PREX2: variants seen among roughly 807,000 people sequenced by gnomAD.
PREX2 encodes phosphatidylinositol 3,4,5-trisphosphate-dependent Rac exchanger 2 protein.
In PREX2, 107 loss-of-function variants were observed where a neutral mutation model predicts 203.2. That is an observed-to-expected ratio of 0.53 (90% CI 0.45 to 0.62). The LOEUF is 0.62. PREX2 is among the 20% of genes least tolerant of loss of function. The probability of loss-of-function intolerance (pLI) is 0.00; values close to 1 mark genes in which losing one functional copy is unlikely to be tolerated. For synonymous variants in PREX2, 672 were observed against 663.6 expected, an observed-to-expected ratio of 1.01 and a Z score of -0.19; for missense variants, 1,777 against 1,955.9, an observed-to-expected ratio of 0.91 and a Z score of 1.72.
chr8:68,038,361 A>C, intron 7 of PREX2, 69 bp downstream of exon 7: 1 of 1,507,906 alleles, frequency 6.6e-7, no homozygotes, highest in Non-Finnish European at 9.1e-7. Flanking sequence ...TGCTTCCCAG[A>C]ACTCATCTAT....
intron 17 of PREX2, chr8:68,082,081 C>T (rs897274372): frequency 6.6e-6 from 1 of 151,916 alleles, no homozygotes; most frequent in African/African-American, 2.4e-5. Context: ...TATTTAGTGC[C>T]TGTTATATAC....
intron 17 of PREX2, 72 bp from the exon 18 acceptor site, chr8:68,083,168 C>A: frequency 1.8e-6 from 2 of 1,114,144 alleles, no homozygotes; most frequent in East Asian, 2.6e-5. Context: ...TTTTCATATT[C>A]CAATTTTGTG....
intron 39 of PREX2, among the ~76,000 whole-genome samples, chr8:68,229,435 T>G (rs1813122901): frequency 6.6e-6 from 1 of 152,198 alleles, no homozygotes; most frequent in Non-Finnish European, 1.5e-5. Context: ...TACATTTCAC[T>G]TAGAAATTTC....
At chr8:67,977,738 A>T (rs993857753) in intron 1 of PREX2, among the ~76,000 whole-genome samples, 2 of 152,134 alleles carry the variant, frequency 1.3e-5, no homozygotes, top group African/African-American at 4.8e-5. Flanking sequence ...GATTTAATCA[A>T]TTGTGTCTAC....
At position 68,098,934 on chromosome 8, in the gene PREX2, A is replaced by ATG. The variant is rs200753954; in HGVS notation, c.2554-744_2554-743dup. Among the ~76,000 whole-genome samples, 553 of 106,156 alleles carry ATG rather than the reference A, an allele frequency of 5.2e-3. 10 individuals are homozygous for ATG. Among genetic ancestry groups the ATG allele is most frequent in the African/African-American group, 0.018 (451 of 24,572 alleles). The allele number at this position is 106,156 out of a possible 152,430, so 69.6% of individuals were successfully genotyped here. On this transcript the variant is annotated intron_variant, in intron 22 of 39. Transcript: ENST00000288368. ...GATTAATCAGAAATGCTACATATAT[A>ATG]TGTGTATATATATATATATATATAT...
chr8:68,116,489 AT>A (rs1810661890), intron 26 of PREX2, among the ~76,000 whole-genome samples: 1 of 152,138 alleles, frequency 6.6e-6, no homozygotes, highest in South Asian at 2.1e-4. Context: ...ACAGAAATTT[AT>A]TATCACACAG....
intron 1 of PREX2, among the ~76,000 whole-genome samples, chr8:67,977,457 G>A (rs7817681): frequency 0.34 from 52,450 of 152,034 alleles, 9,462 homozygotes; most frequent in East Asian, 0.61. Flanking sequence ...CACACCTGTC[G>A]TGATATTGTG....
intron 39 of PREX2, among the ~76,000 whole-genome samples, chr8:68,226,283 A>C (rs1189580333): frequency 6.6e-6 from 1 of 152,194 alleles, no homozygotes; most frequent in Non-Finnish European, 1.5e-5. Flanking sequence ...CCTGGCCTTC[A>C]CACAGTTTTC....
At chr8:67,967,400 C>T (rs1389678432) in intron 1 of PREX2, among the ~76,000 whole-genome samples, 2 of 152,170 alleles carry the variant, frequency 1.3e-5, no homozygotes, top group Admixed American at 1.3e-4. Context: ...AAATCCACTG[C>T]CTCACTCTGT....
chr8:68,198,898 G>C (rs1554584705), intron 37 of PREX2, among the ~76,000 whole-genome samples: 1 of 152,136 alleles, frequency 6.6e-6, no homozygotes, highest in Non-Finnish European at 1.5e-5. Flanking sequence ...TCTTGGTCTG[G>C]CCATGTGGGA....
intron 14 of PREX2, among the ~76,000 whole-genome samples, chr8:68,075,127 C>G (rs974811317): frequency 6.6e-6 from 1 of 152,126 alleles, no homozygotes. Flanking sequence ...CACATCCATG[C>G]GGTCTTACTG....
intron 1 of PREX2, among the ~76,000 whole-genome samples, chr8:67,976,677 GA>G (rs1806114068): frequency 1.0e-5 from 1 of 98,454 alleles, no homozygotes; most frequent in Non-Finnish European, 2.2e-5. Flanking sequence ...GACAGAGAGA[GA>G]GACAGGAGAG....
chr8:68,018,024 C>T (rs1487804052), intron 2 of PREX2, 107 bp downstream of exon 2: 1 of 775,488 alleles, frequency 1.3e-6, no homozygotes, highest in Non-Finnish European at 2.2e-6. Flanking sequence ...AGTTCCACTA[C>T]AAGTTGCTGT....
intron 8 of PREX2, among the ~76,000 whole-genome samples, chr8:68,045,714 G>A (rs376235937): frequency 6.6e-6 from 1 of 152,076 alleles, no homozygotes; most frequent in East Asian, 1.9e-4. Context: ...GTGGGGTGGT[G>A]TGGAGTTGCC....
chr8:68,033,151 T>G (rs2129610580), intron 6 of PREX2, among the ~76,000 whole-genome samples: 1 of 152,314 alleles, frequency 6.6e-6, no homozygotes, highest in African/African-American at 2.4e-5. Flanking sequence ...TCTAGTATTT[T>G]GTTCTACTAA....
chr8:68,192,724 C>T, intron 37 of PREX2, 199 bp downstream of exon 37: 1 of 437,046 alleles, frequency 2.3e-6, no homozygotes, highest in Non-Finnish European at 4.0e-6. Flanking sequence ...GAAGGCAATC[C>T]CACGTTTATA....
chr8:68,085,382 T>G (rs1012895283), intron 18 of PREX2, among the ~76,000 whole-genome samples: 3 of 152,224 alleles, frequency 2.0e-5, no homozygotes, highest in African/African-American at 7.2e-5. Context: ...AATAAATGAC[T>G]TTTCCTTTAT....
At chr8:68,165,939 A>G (rs1315467888) in intron 35 of PREX2, among the ~76,000 whole-genome samples, 1 of 152,180 alleles carries the variant, frequency 6.6e-6, no homozygotes, top group African/African-American at 2.4e-5. Flanking sequence ...AAATTTCAAA[A>G]ATAGGAAAGT....
chr8:68,197,026 T>G (rs1247061901), intron 37 of PREX2, among the ~76,000 whole-genome samples: 1 of 152,114 alleles, frequency 6.6e-6, no homozygotes, highest in Non-Finnish European at 1.5e-5. Context: ...ACTGGCAGAT[T>G]CGGTGTCTGG....
Sources: allele counts gnomAD v4.1 joint callset (sites outside exome capture counted in the v4.1 genomes callset), GRCh38; gene constraint gnomAD v4.1.1; transcripts MANE v1.5; gene names NCBI Gene and HGNC (gene_info 2026-07-23, HGNC 2026-07-21).